Variants in SLITRK2 observed in about 807,000 individuals in gnomAD.
SLITRK2 encodes SLIT and NTRK like family member 2.
Under a neutral mutation model 35.4 loss-of-function variants are expected in SLITRK2, and 13 were observed. The observed-to-expected ratio is 0.37, with a 90% CI of 0.24 to 0.58. The LOEUF (loss-of-function observed/expected upper bound fraction) is 0.58, where lower values mean the gene tolerates loss of function less well. SLITRK2 is among the 20% of genes least tolerant of loss of function. The pLI is 0.75. For missense variants in SLITRK2, 471 were observed against 634.3 expected (o/e 0.74, Z 2.76); for synonymous variants, 294 against 264.7 (o/e 1.11, Z -1.07).
rs2073107380 is a variant in SLITRK2, at chrX:145,825,193, T to C, written c.*230T>C. The C allele has an allele frequency of 3.7e-6, 1 of 271,750 alleles. No individual in the cohort carries two copies. The highest frequency in any genetic ancestry group is 4.9e-5 in the African/African-American group (1 of 20,255). The allele number at this position is 271,750 out of a possible 1,213,427, so 22.4% of individuals were successfully genotyped here. A position where few individuals can be genotyped will look rare whatever the true frequency, so the allele number is the denominator to read the frequency against. On this transcript the variant is annotated 3_prime_UTR_variant, in exon 5 of 5. Transcript: ENST00000335565. ...CCTTTTTTTTTTTTTTTTTTTTTTC[T>C]TTTTCCCTTCTCTTCTTAGGAACCA...
rs2124207353 is a variant in SLITRK2 at position 145,824,611 on chromosome X, A to G, written c.2186A>G (p.Glu729Gly). The G allele has an allele frequency of 1.7e-6, 2 of 1,210,943 alleles. No individual in the cohort carries two copies. The highest frequency in any genetic ancestry group is 2.2e-6 in the Non-Finnish European group (2 of 895,414). ...SYSNLEEKKE[E>G]PATPAYTISA... ...AGCAACCTGGAGGAGAAAAAAGAAG[A>G]GCCAGCCACACCTGCTTACACAATA... The change falls in exon 5 of 5, where the codon GAG becomes GGG. Residue 729 changes from glutamate (E) to glycine (G), a missense_variant. Transcript: ENST00000335565.
At chrX:145,820,360 G>A (rs1022878256) in intron 1 of SLITRK2, 114 bp from the exon 2 acceptor site, 1 of 112,417 alleles carries the variant, frequency 8.9e-6, no homozygotes, top group Non-Finnish European at 1.9e-5. Context: ...AACAGATAAT[G>A]AAGGCAAAAA....
intron 1 of SLITRK2, 171 bp from the exon 2 acceptor site, chrX:145,820,303 A>T (rs1210745849): frequency 8.9e-6 from 1 of 112,343 alleles, no homozygotes; most frequent in African/African-American, 3.2e-5. Flanking sequence ...TTGATTCCAC[A>T]ATGGAAGACT....
chrX:145,829,572 A>G lies in SLITRK2; in HGVS notation c.*4609A>G, dbSNP rs1556946431. 8.1e-6 allele frequency: 1 copy of G among 123,527 alleles called. No homozygotes were observed. The highest frequency in any genetic ancestry group is 1.9e-5 in the Non-Finnish European group (1 of 53,351). 10.2% of individuals were successfully genotyped at this position (123,527 alleles called of 1,213,427 possible). On this transcript the variant is annotated 3_prime_UTR_variant, in exon 5 of 5. Transcript: ENST00000335565. ...ACACAGGACTCTTCTGCTCAGCAGCATCTCTTTTCTCAGATGTGGCCATGT... is the reference window on the plus strand; with the variant it reads ...ACACAGGACTCTTCTGCTCAGCAGCGTCTCTTTTCTCAGATGTGGCCATGT...
In SLITRK2 at chrX:145,823,918, G is replaced by T. The variant is rs1569506782; in HGVS notation, c.1493G>T (p.Arg498Met). The stretch of plus-strand genomic sequence containing the variant: ...ATATTTGGGGGGACGGCCCTAACCA[G>T]GCTGAATCTGAGAAACAACCATTTT... Reference protein sequence around the residue: ...DNIFGGTALTRLNLRNNHFSH... With the variant: ...DNIFGGTALTMLNLRNNHFSH... Residue 498 changes from arginine to methionine, a missense_variant, in exon 5 of 5, where the codon AGG (arginine) becomes ATG (methionine). Coordinates refer to ENST00000335565, the MANE Select transcript of SLITRK2 (RefSeq NM_032539.5). 1 of 1,211,445 alleles carries T rather than the reference G, an allele frequency of 8.3e-7. No homozygotes were observed. Among genetic ancestry groups the T allele is most frequent in the South Asian group, 1.8e-5 (1 of 56,913 alleles).
rs2073013624 is a variant in SLITRK2 at position 145,821,399 on chromosome X, T to C, written c.-678T>C. ...ACTGACGCAGCCGGGAATTGAGCTT[T>C]GCAAAGCCACTTGCAAGGAAGGGAA... On this transcript the variant is annotated 5_prime_UTR_variant, in exon 3 of 5. Coordinates refer to ENST00000335565, the MANE Select transcript of SLITRK2 (RefSeq NM_032539.5). 9.1e-6 allele frequency: 1 copy of C among 110,079 alleles called. No individual in the cohort carries two copies. The highest frequency in any genetic ancestry group is 3.9e-4 in the South Asian group (1 of 2,532). The allele number at this position is 110,079 out of a possible 1,213,427, so 9.1% of individuals were successfully genotyped here.
At position 145,822,442 on chromosome X, in the gene SLITRK2, G is replaced by A. The variant is rs1556943672; in HGVS notation, c.17G>A (p.Trp6Ter). 1 of 1,207,140 alleles carries A rather than the reference G, an allele frequency of 8.3e-7. No homozygotes were observed. Among genetic ancestry groups the A allele is most frequent in the Non-Finnish European group, 1.1e-6 (1 of 893,490 alleles). The change falls in exon 5 of 5, where the codon TGG (tryptophan) becomes TAG (stop). Residue 6 changes from tryptophan (W) to a stop codon, truncating the protein, a stop_gained. Coordinates refer to ENST00000335565, the MANE Select transcript of SLITRK2 (RefSeq NM_032539.5). LOFTEE classifies it high-confidence loss of function. MLSGV[W>*]FLSVLTVAGI... ...TGCCTAAAGATGCTGAGCGGCGTTT[G>A]GTTCCTCAGTGTGTTAACCGTGGCC...
In SLITRK2 at chrX:145,825,902, G is replaced by T. The variant is rs1005629705; in HGVS notation, c.*939G>T. On this transcript the variant is annotated 3_prime_UTR_variant, in exon 5 of 5. Coordinates refer to ENST00000335565, the MANE Select transcript of SLITRK2 (RefSeq NM_032539.5). ...TAAATCATTATTTTACACTAACATG[G>T]TGAGTGTTTTAGATTATTTTCCTAA... The T allele has an allele frequency of 1.7e-5, 2 of 120,632 alleles. No individual in the cohort carries two copies. The highest frequency in any genetic ancestry group is 6.5e-5 in the African/African-American group (2 of 30,687). The allele number at this position is 120,632 out of a possible 1,213,427, so 9.9% of individuals were successfully genotyped here. A position where few individuals can be genotyped will look rare whatever the true frequency, so the allele number is the denominator to read the frequency against.
At chrX:145,820,920 C>G (rs1019096900) in intron 2 of SLITRK2, 1 of 110,274 alleles carries the variant, frequency 9.1e-6, no homozygotes, top group African/African-American at 3.3e-5. Context: ...TGAATCAGGG[C>G]TCTGTATGTA....
In SLITRK2 at chrX:145,822,456, T is replaced by A. The variant is rs782130976; in HGVS notation, c.31T>A (p.Leu11Ile). 1.7e-6 allele frequency: 2 copies of A among 1,208,039 alleles called. No homozygotes were observed. Among genetic ancestry groups the A allele is most frequent in the African/African-American group, 1.8e-5 (1 of 56,914 alleles). MLSGVWFLSVLTVAGILQTES... is the reference protein window; with the variant it reads MLSGVWFLSVITVAGILQTES... ...GAGCGGCGTTTGGTTCCTCAGTGTG[T>A]TAACCGTGGCCGGGATCTTACAGAC... Residue 11 changes from leucine to isoleucine, a missense_variant, in exon 5 of 5, where the codon TTA becomes ATA. Leu to Ile is a conservative substitution (Grantham distance 5). Coordinates refer to ENST00000335565, the MANE Select transcript of SLITRK2 (RefSeq NM_032539.5).
Position 145,826,857 on chromosome X carries a change from G to A in SLITRK2, c.*1894G>A, listed in dbSNP as rs2073132087. ...TTGTCTGTCACTATAAACAATTCATGTGATAGGCTTTCAATTAGAAATTCC... is the reference window on the plus strand; with the variant it reads ...TTGTCTGTCACTATAAACAATTCATATGATAGGCTTTCAATTAGAAATTCC... On this transcript the variant is annotated 3_prime_UTR_variant, in exon 5 of 5. Coordinates refer to ENST00000335565, the MANE Select transcript of SLITRK2 (RefSeq NM_032539.5). 8.9e-6 allele frequency: 1 copy of A among 112,094 alleles called. No individual in the cohort carries two copies. The highest frequency in any genetic ancestry group is 3.2e-5 in the African/African-American group (1 of 30,895). The allele number at this position is 112,094 out of a possible 1,213,427, so 9.2% of individuals were successfully genotyped here. A position where few individuals can be genotyped will look rare whatever the true frequency, so the allele number is the denominator to read the frequency against.
rs1337845779 is a variant in SLITRK2 at position 145,828,722 on chromosome X, A to G, written c.*3759A>G. On this transcript the variant is annotated 3_prime_UTR_variant, in exon 5 of 5. Transcript: ENST00000335565. ...GCAGGAAGTTAAGTTTTTAAAGGTG[A>G]TTCTGTGCAGTAAGGTATAAAACAG... 1.6e-5 allele frequency: 2 copies of G among 123,293 alleles called. No homozygotes were observed. Among genetic ancestry groups the G allele is most frequent in the Non-Finnish European group, 3.8e-5 (2 of 53,327 alleles). The allele number at this position is 123,293 out of a possible 1,213,427, so 10.2% of individuals were successfully genotyped here.
chrX:145,822,716 G>A lies in SLITRK2; in HGVS notation c.291G>A (p.Gly97=), dbSNP rs2073045745. The change falls in exon 5 of 5, where the codon GGG becomes GGA. Residue 97 remains glycine, a synonymous_variant. Coordinates refer to ENST00000335565, the MANE Select transcript of SLITRK2 (RefSeq NM_032539.5). ...TGACTCTTCACCTAGGTAACAACGG[G>A]TTACAGGAGATCCGAACGGGGGCAT... The part of the protein sequence containing the change: ...NAVTLHLGNN[G]LQEIRTGAFS... 8.3e-7 allele frequency: 1 copy of A among 1,211,181 alleles called. No individual in the cohort carries two copies. The highest frequency in any genetic ancestry group is 1.1e-6 in the Non-Finnish European group (1 of 895,320).
At chrX:145,818,972 C>A (rs1303216460) in intron 1 of SLITRK2, 1 of 111,671 alleles carries the variant, frequency 9.0e-6, no homozygotes, top group Non-Finnish European at 1.9e-5. Context: ...CTAGTAACTA[C>A]GTTTTGGAAA....
Position 145,827,969 on chromosome X carries a change from A to C in SLITRK2, c.*3006A>C, listed in dbSNP as rs782782946. The C allele has an allele frequency of 3.3e-6, 4 of 1,202,227 alleles. No individual in the cohort carries two copies. The highest frequency in any genetic ancestry group is 4.5e-6 in the Non-Finnish European group (4 of 892,056). On this transcript the variant is annotated 3_prime_UTR_variant, in exon 5 of 5. Coordinates refer to ENST00000335565, the MANE Select transcript of SLITRK2 (RefSeq NM_032539.5). ...TCCAGCCTACAGAATGCAGTCTCCC[A>C]GGGCCCTGCCAAGAACATATCTGTA...
chrX:145,822,353 A>C (rs2124144226), intron 4 of SLITRK2, 30 bp from the exon 5 acceptor site: 29 of 933,062 alleles, frequency 3.1e-5, no homozygotes, highest in African/African-American at 4.0e-5. Flanking sequence ...TCTTCCCTGC[A>C]CCCGCTTCTT....
chrX:145,822,605 C>A lies in SLITRK2; in HGVS notation c.180C>A (p.Pro60=), dbSNP rs782190139. Residue 60 remains proline (P), a synonymous_variant, in exon 5 of 5, where the codon CCC becomes CCA. Transcript: ENST00000335565. The part of the protein sequence containing the change: ...GFTTVSLLQP[P]QYRIYQLFLN... ...CAACAGTTAGCCTGCTCCAGCCCCC[C>A]CAGTATCGAATCTATCAGCTTTTTC... 6 of 1,209,681 alleles carry A rather than the reference C, an allele frequency of 5.0e-6. No homozygotes were observed. In the African/African-American group the frequency reaches 1.1e-4, roughly 21 times the overall value.
rs2124202176 is a variant in SLITRK2, at chrX:145,824,448, G to A, written c.2023G>A (p.Glu675Lys). ...ATTACAGTATGGGTCTTACAACACTGAGACTCACGATAAAACAGACGGCCA... is the reference window on the plus strand; with the variant it reads ...ATTACAGTATGGGTCTTACAACACTAAGACTCACGATAAAACAGACGGCCA... ...FQLQYGSYNT[E>K]THDKTDGHVY... Residue 675 changes from glutamate (E) to lysine (K), a missense_variant, in exon 5 of 5, where the codon GAG becomes AAG. Transcript: ENST00000335565. The A allele has an allele frequency of 8.3e-7, 1 of 1,211,259 alleles. No homozygotes were observed. The highest frequency in any genetic ancestry group is 1.1e-6 in the Non-Finnish European group (1 of 895,361).
chrX:145,821,822 T>G lies in SLITRK2; in HGVS notation c.-255T>G. 9.0e-6 allele frequency: 1 copy of G among 110,901 alleles called. No homozygotes were observed. Among genetic ancestry groups the G allele is most frequent in the East Asian group, 2.9e-4 (1 of 3,494 alleles). 9.1% of individuals were successfully genotyped at this position (110,901 alleles called of 1,213,427 possible). A position where few individuals can be genotyped will look rare whatever the true frequency, so the allele number is the denominator to read the frequency against. On this transcript the variant is annotated 5_prime_UTR_variant, in exon 3 of 5. Transcript: ENST00000335565. ...GTCTTATTTTACCTTGTTCTCCCACTTCCTGAAGATGCTAAACTCCTGGTG... is the reference window on the plus strand; with the variant it reads ...GTCTTATTTTACCTTGTTCTCCCACGTCCTGAAGATGCTAAACTCCTGGTG...
Sources: allele counts gnomAD v4.1 joint callset, GRCh38; gene constraint gnomAD v4.1.1; transcripts MANE v1.5; gene names NCBI Gene and HGNC (gene_info 2026-07-23, HGNC 2026-07-21).